Variants in CHAF1A observed in about 807,000 individuals in gnomAD.
CHAF1A encodes the protein CAF-1 subunit A.
CHAF1A carries 5 observed loss-of-function variants against 93.2 expected under a neutral mutation model. That is an observed-to-expected ratio of 0.05 (90% CI 0.03 to 0.11). The LOEUF (loss-of-function observed/expected upper bound fraction) is 0.11, where lower values mean the gene tolerates loss of function less well. CHAF1A is among the 10% of genes least tolerant of loss of function. The pLI, the probability that CHAF1A is intolerant of heterozygous loss-of-function variation, is 1.00. For synonymous variants in CHAF1A, 504 were observed against 510.3 expected (o/e 0.99, Z 0.17); for missense variants, 1,102 against 1,259.9 (o/e 0.87, Z 1.90).
intron 7 of CHAF1A, among the ~76,000 whole-genome samples, chr19:4,425,824 T>C (rs1202376087): frequency 6.6e-6 from 1 of 152,214 alleles, no homozygotes; most frequent in Non-Finnish European, 1.5e-5. Context: ...GAAACTCAGA[T>C]GTACATTCCC....
At chr19:4,411,159 G>A (rs1973790316) in intron 3 of CHAF1A, among the ~76,000 whole-genome samples, 1 of 152,206 alleles carries the variant, frequency 6.6e-6, no homozygotes, top group South Asian at 2.1e-4. Context: ...CCTGTAAGCA[G>A]GTACAGTAGA....
At chr19:4,441,060 G>A (rs898405378) in intron 13 of CHAF1A, among the ~76,000 whole-genome samples, 8 of 151,208 alleles carry the variant, frequency 5.3e-5, no homozygotes, top group African/African-American at 1.9e-4. Context: ...GCTCACGCCT[G>A]TAATCCCAGC....
At chr19:4,446,163 CACCGCCCCCA>C, downstream of CHAF1A, 1 of 1,609,158 alleles carries the variant, frequency 6.2e-7, no homozygotes, top group Admixed American at 1.7e-5. Flanking sequence ...CGAACCCGTA[CACCGCCCCCA>C]GCCGCTCCCG....
In CHAF1A at chr19:4,429,540, C is replaced by T; in HGVS notation, c.1707C>T (p.Ala569=). The change falls in exon 9 of 15, where the codon GCC becomes GCT. Residue 569 remains alanine, a synonymous_variant. Coordinates refer to ENST00000301280, the MANE Select transcript of CHAF1A (RefSeq NM_005483.3). The stretch of plus-strand genomic sequence containing the variant: ...AGTTCTGTGAGAACCACCGGCCTGC[C>T]TACTGGGGTACCTGGAATAAGAAGA... The part of the protein sequence containing the change: ...LLQFCENHRP[A]YWGTWNKKTA... 1 of 1,614,038 alleles carries T rather than the reference C, an allele frequency of 6.2e-7. No homozygotes were observed. The highest frequency in any genetic ancestry group is 8.5e-7 in the Non-Finnish European group (1 of 1,180,012).
At chr19:4,436,162 G>A (rs1251630507) in intron 13 of CHAF1A, among the ~76,000 whole-genome samples, 5 of 151,988 alleles carry the variant, frequency 3.3e-5, no homozygotes, top group African/African-American at 1.2e-4. Flanking sequence ...GAAAAGAAAA[G>A]GTGGTCGTTA....
intron 6 of CHAF1A, 39 bp downstream of exon 6, chr19:4,423,434 T>C (rs1413315580): frequency 1.9e-6 from 3 of 1,611,068 alleles, no homozygotes; most frequent in African/African-American, 2.7e-5. Flanking sequence ...TCCCAGCCCG[T>C]TGGAGAAGCA....
chr19:4,436,387 G>C (rs1401710356), intron 13 of CHAF1A, among the ~76,000 whole-genome samples: 1 of 152,200 alleles, frequency 6.6e-6, no homozygotes, highest in Admixed American at 6.5e-5. Flanking sequence ...CATGTGCATA[G>C]TTCCCCTGGC....
At chr19:4,415,687 C>T (rs1231054773) in intron 3 of CHAF1A, among the ~76,000 whole-genome samples, 1 of 152,108 alleles carries the variant, frequency 6.6e-6, no homozygotes, top group Admixed American at 6.6e-5. Flanking sequence ...AACACCCTGG[C>T]CTGATCTCGG....
chr19:4,402,662 G>GGCGGGAGCA lies in CHAF1A; in HGVS notation c.-97_-96insGAGCAGCGG. ...CGCCAAATACGAGCGCGGCGGCCGCGGCGGCAGCAGCGGCGCGGGCGGGAG... is the reference window on the plus strand; with the variant it reads ...CGCCAAATACGAGCGCGGCGGCCGCGGCGGGAGCAGCGGCAGCAGCGGCGCGGGCGGGAG... On this transcript the variant is annotated 5_prime_UTR_variant, in exon 1 of 15. Coordinates refer to ENST00000301280, the MANE Select transcript of CHAF1A (RefSeq NM_005483.3). 1 of 684,374 alleles carries GGCGGGAGCA rather than the reference G, an allele frequency of 1.5e-6. No individual in the cohort carries two copies. The highest frequency in any genetic ancestry group is 2.0e-6 in the Non-Finnish European group (1 of 504,316). The allele number at this position is 684,374 out of a possible 1,614,324, so 42.4% of individuals were successfully genotyped here.
At chr19:4,436,996 G>A (rs1201590079) in intron 13 of CHAF1A, among the ~76,000 whole-genome samples, 1 of 152,238 alleles carries the variant, frequency 6.6e-6, no homozygotes, top group African/African-American at 2.4e-5. Context: ...GTGGGTCAGA[G>A]AGGTTGGGTG....
At chr19:4,423,956 C>T (rs1974036655) in intron 7 of CHAF1A, 82 bp downstream of exon 7, 3 of 1,344,810 alleles carry the variant, frequency 2.2e-6, no homozygotes, top group Non-Finnish European at 3.2e-6. Context: ...CTCTCCCCAG[C>T]CAGCTTCTCT....
chr19:4,415,144 C>T (rs531944681), intron 3 of CHAF1A, among the ~76,000 whole-genome samples: 2 of 152,092 alleles, frequency 1.3e-5, no homozygotes, highest in Admixed American at 1.3e-4. Flanking sequence ...CGGGCTCCAG[C>T]TGGGTAGAAT....
intron 3 of CHAF1A, among the ~76,000 whole-genome samples, chr19:4,413,634 A>G (rs574700021): frequency 3.3e-5 from 5 of 152,300 alleles, no homozygotes; most frequent in African/African-American, 1.2e-4. Flanking sequence ...AGTCATTGCC[A>G]CTGTACTTTG....
At chr19:4,439,346 T>G (rs1974345021) in intron 13 of CHAF1A, among the ~76,000 whole-genome samples, 1 of 152,058 alleles carries the variant, frequency 6.6e-6, no homozygotes, top group Non-Finnish European at 1.5e-5. Context: ...CATGTAGTCG[T>G]TAAACGTTTT....
chr19:4,450,649 C>G, the CHAF1A span: 11 of 149,074 alleles, frequency 7.4e-5, no homozygotes, highest in African/African-American at 2.7e-4. Flanking sequence ...GTCCCAGCTA[C>G]TCGGGAGGCT....
chr19:4,426,950 G>A (rs1037394548), intron 7 of CHAF1A, among the ~76,000 whole-genome samples: 1 of 151,474 alleles, frequency 6.6e-6, no homozygotes, highest in African/African-American at 2.4e-5. Flanking sequence ...AAATTAGCCG[G>A]GCGTGGTGGT....
chr19:4,447,663 G>A (rs772866029), downstream of CHAF1A: 2 of 1,609,316 alleles, frequency 1.2e-6, no homozygotes, highest in South Asian at 2.2e-5. Context: ...GCACAGCCCA[G>A]GCTGCCCACC....
At chr19:4,445,363 G>A, downstream of CHAF1A, 1 of 1,441,614 alleles carries the variant, frequency 6.9e-7, no homozygotes, top group Admixed American at 2.0e-5. Context: ...CAGCTCCACG[G>A]CTGGCGCCCC....
chr19:4,450,303 GA>G, the CHAF1A span: 1 of 150,336 alleles, frequency 6.7e-6, no homozygotes, highest in African/African-American at 2.4e-5. Flanking sequence ...TTCTAAGAAT[GA>G]CCCCAAACCC....
Sources: gnomAD v4.1 joint callset for allele counts (sites outside exome capture counted in the v4.1 genomes callset) on GRCh38, gnomAD v4.1.1 for gene constraint, MANE v1.5 for transcripts, NCBI Gene and HGNC (gene_info 2026-07-23, HGNC 2026-07-21) for gene names.